The following MCU variants were observed in gnomAD, a reference collection of about 807,000 sequenced individuals.
MCU encodes the protein calcium uniporter protein, mitochondrial.
Under a neutral mutation model 45.2 loss-of-function variants are expected in MCU, and 12 were observed. The observed-to-expected ratio is 0.27, with a 90% CI of 0.17 to 0.43. The LOEUF is 0.43. Among genes scored for constraint, MCU ranks in the 20% least tolerant of loss-of-function variants. MCU has a pLI of 1.00. For missense variants in MCU, 324 were observed against 436.7 expected (o/e 0.74, Z 2.30); for synonymous variants, 160 against 165.1 (o/e 0.97, Z 0.24).
chr10:72,792,464 G>A (rs1844176863), intron 1 of MCU, among the ~76,000 whole-genome samples: 1 of 152,116 alleles, frequency 6.6e-6, no homozygotes, highest in Non-Finnish European at 1.5e-5. Context: ...GGCCTCTCAG[G>A]AAGAAATTTA....
chr10:72,754,857 T>C (rs7086453), intron 1 of MCU, among the ~76,000 whole-genome samples: 70,280 of 152,034 alleles, frequency 0.46, 20,387 homozygotes, highest in Non-Finnish European at 0.67. Flanking sequence ...GCCCAACAAA[T>C]GACACTCAAG....
intron 1 of MCU, among the ~76,000 whole-genome samples, chr10:72,778,383 A>G (rs1843931875): frequency 6.6e-6 from 1 of 152,196 alleles, no homozygotes; most frequent in Non-Finnish European, 1.5e-5. Flanking sequence ...AGCAACATGG[A>G]TGGAACTGGA....
intron 1 of MCU, among the ~76,000 whole-genome samples, chr10:72,711,177 CAA>C (rs754026436): frequency 3.7e-5 from 4 of 108,482 alleles, no homozygotes; most frequent in Non-Finnish European, 3.9e-5. Flanking sequence ...AACTCTGTCT[CAA>C]AAAAAAAAAA....
At chr10:72,867,632 T>C (rs1216273794) in intron 4 of MCU, among the ~76,000 whole-genome samples, 1 of 152,046 alleles carries the variant, frequency 6.6e-6, no homozygotes, top group Non-Finnish European at 1.5e-5. Flanking sequence ...GGCAGGTAGA[T>C]CACGAGGTCA....
At chr10:72,767,072 C>T (rs952459297) in intron 1 of MCU, 1 of 152,126 alleles carries the variant, frequency 6.6e-6, no homozygotes, top group Non-Finnish European at 1.5e-5. Flanking sequence ...TGCTGCTTTG[C>T]AAAGTTACCT....
chr10:72,724,425 T>G (rs913173436), intron 1 of MCU, among the ~76,000 whole-genome samples: 2 of 152,212 alleles, frequency 1.3e-5, no homozygotes, highest in African/African-American at 4.8e-5. Flanking sequence ...GAGATGTTGG[T>G]CTTTTTCTTT....
chr10:72,742,595 A>G (rs562819889), intron 1 of MCU, among the ~76,000 whole-genome samples: 50 of 152,300 alleles, frequency 3.3e-4, no homozygotes, highest in African/African-American at 1.2e-3. Flanking sequence ...TGATTGTGTG[A>G]GAATCCTATC....
chr10:72,759,282 G>A (rs1843621267), intron 1 of MCU, among the ~76,000 whole-genome samples: 3 of 152,022 alleles, frequency 2.0e-5, no homozygotes, highest in Admixed American at 1.3e-4. Flanking sequence ...GCAAGCAGGG[G>A]GTACATGACT....
chr10:72,788,237 G>A (rs1844105539), intron 1 of MCU, among the ~76,000 whole-genome samples: 1 of 152,196 alleles, frequency 6.6e-6, no homozygotes, highest in South Asian at 2.1e-4. Context: ...GACTCCAGTT[G>A]GTTAAACAAC....
At chr10:72,840,845 G>A (rs942486695) in intron 2 of MCU, among the ~76,000 whole-genome samples, 4 of 151,970 alleles carry the variant, frequency 2.6e-5, no homozygotes, top group Admixed American at 2.6e-4. Flanking sequence ...ACCAAAATGT[G>A]GATGAACTTG....
At chr10:72,850,331 G>A (rs1361251588) in intron 2 of MCU, among the ~76,000 whole-genome samples, 2 of 152,148 alleles carry the variant, frequency 1.3e-5, no homozygotes, top group South Asian at 2.1e-4. Flanking sequence ...AATCGACAAT[G>A]TTAAGATCAT....
rs562293598 is a variant in MCU at position 72,805,711 on chromosome 10, C to CATT, written c.151-28646_151-28645insTAT. Among the ~76,000 whole-genome samples, 900 of 152,262 alleles carry CATT rather than the reference C, an allele frequency of 5.9e-3. 12 individuals are homozygous for CATT. Among genetic ancestry groups the CATT allele is most frequent in the African/African-American group, 0.02 (849 of 41,542 alleles). On this transcript the variant is annotated intron_variant, in intron 1 of 7. Coordinates refer to ENST00000373053, the MANE Select transcript of MCU (RefSeq NM_138357.3). ...GAAAGTCCCTGTGGAATTTGCTAGT[C>CATT]ATCTATATATTTACCCATCTAATAA...
rs370338339 is a variant in MCU at position 72,842,086 on chromosome 10, C to T, written c.220+7658C>T. ...GTAAAGCCAGGAGTTTGAGACCAGC[C>T]TAGGCAACATGGTGAAACCGTCTCT... On this transcript the variant is annotated intron_variant, in intron 2 of 7. Transcript: ENST00000373053. Among the ~76,000 whole-genome samples, 36 of 152,304 alleles carry T rather than the reference C, an allele frequency of 2.4e-4. No individual in the cohort carries two copies. In the East Asian group the frequency reaches 6.0e-3, roughly 25 times the overall value.
chr10:72,845,917 G>A (rs1040444256), intron 2 of MCU, among the ~76,000 whole-genome samples: 13 of 152,090 alleles, frequency 8.5e-5, no homozygotes, highest in African/African-American at 3.1e-4. Flanking sequence ...TTAGAGGTTT[G>A]TATACACCAT....
intron 1 of MCU, among the ~76,000 whole-genome samples, chr10:72,821,659 A>G (rs1024707082): frequency 1.3e-5 from 2 of 152,160 alleles, no homozygotes; most frequent in Non-Finnish European, 2.9e-5. Context: ...GAAAATCTTA[A>G]CTTTACAAGG....
intron 1 of MCU, among the ~76,000 whole-genome samples, chr10:72,799,488 A>ATTT (rs1202071479): frequency 1.4e-5 from 2 of 145,346 alleles, no homozygotes; most frequent in African/African-American, 5.0e-5. Flanking sequence ...AATATATAAC[A>ATTT]TTTTTTTTTT....
At chr10:72,805,093 CTTTCTTTCTCTTTCTT>C (rs1844412487) in intron 1 of MCU, among the ~76,000 whole-genome samples, 2 of 143,248 alleles carry the variant, frequency 1.4e-5, no homozygotes, top group South Asian at 2.2e-4. Flanking sequence ...TTCTTTCTTT[CTTTCTTTCTCTTTCTT>C]TCTTTCTTTC....
chr10:72,703,336 A>C (rs1842781298), intron 1 of MCU, among the ~76,000 whole-genome samples: 2 of 152,192 alleles, frequency 1.3e-5, no homozygotes, highest in Non-Finnish European at 2.9e-5. Flanking sequence ...GCCCAGAGTC[A>C]CAGCTGTTAA....
intron 1 of MCU, among the ~76,000 whole-genome samples, chr10:72,745,764 T>C (rs1195909489): frequency 6.6e-6 from 1 of 152,216 alleles, no homozygotes; most frequent in Non-Finnish European, 1.5e-5. Flanking sequence ...GGCCAGACTT[T>C]CTCACCAGAG....
Sources: gnomAD v4.1 joint callset for allele counts (sites outside exome capture counted in the v4.1 genomes callset) on GRCh38, gnomAD v4.1.1 for gene constraint, MANE v1.5 for transcripts, NCBI Gene and HGNC (gene_info 2026-07-23, HGNC 2026-07-21) for gene names.